Variants in TCFL5 observed in about 807,000 individuals in gnomAD.
TCFL5 encodes transcription factor like 5.
In TCFL5, 9 loss-of-function variants were observed where a neutral mutation model predicts 44.3. The ratio of observed to expected loss-of-function variants is 0.20; its 90% CI spans 0.12 to 0.35. The LOEUF is 0.35. Among genes scored for constraint, TCFL5 ranks in the 10% least tolerant of loss-of-function variants. The probability of loss-of-function intolerance (pLI) is 1.00; values close to 1 mark genes in which losing one functional copy is unlikely to be tolerated. For synonymous variants in TCFL5, 319 were observed against 271.6 expected (o/e 1.17, Z -1.72); for missense variants, 603 against 613.4 (o/e 0.98, Z 0.18).
At chr20:62,843,711 T>A (rs909439171) in intron 5 of TCFL5, among the ~76,000 whole-genome samples, 1 of 152,176 alleles carries the variant, frequency 6.6e-6, no homozygotes, top group Non-Finnish European at 1.5e-5. Flanking sequence ...TTCATCACCC[T>A]AAACAGAAAC....
In TCFL5 at chr20:62,860,182, T is replaced by C; in HGVS notation, c.774A>G (p.Pro258=). Residue 258 remains proline, a synonymous_variant, in exon 2 of 6, where the codon CCA becomes CCG. Transcript: ENST00000335351. Reference sequence around the variant, plus strand: ...TAGAGCAAGCATTTGTAGTAAACAGTGGGTATGTAAATTGCAAAGCAGTAG... The same window carrying C: ...TAGAGCAAGCATTTGTAGTAAACAGCGGGTATGTAAATTGCAAAGCAGTAG... ...ATTTALQFTY[P]LFTTNACSTS... The C allele has an allele frequency of 6.2e-7, 1 of 1,613,768 alleles. No individual in the cohort carries two copies. The highest frequency in any genetic ancestry group is 8.5e-7 in the Non-Finnish European group (1 of 1,179,696).
At chr20:62,846,182 A>T (rs2063740688) in intron 5 of TCFL5, 4 of 1,087,324 alleles carry the variant, frequency 3.7e-6, no homozygotes, top group Non-Finnish European at 4.9e-6. Flanking sequence ...AAAAAAAAGA[A>T]GGAAGGAAGA....
intron 4 of TCFL5, among the ~76,000 whole-genome samples, chr20:62,854,538 A>T (rs2063858580): frequency 6.6e-6 from 1 of 152,242 alleles, no homozygotes; most frequent in Non-Finnish European, 1.5e-5. Flanking sequence ...TGAGGGGTCC[A>T]AATTGGGCAG....
intron 3 of TCFL5, among the ~76,000 whole-genome samples, chr20:62,858,161 C>T (rs1182929791): frequency 6.6e-6 from 1 of 152,252 alleles, no homozygotes; most frequent in Non-Finnish European, 1.5e-5. Context: ...TGTGCCCTCG[C>T]CGCAGAAGTG....
intron 5 of TCFL5, chr20:62,852,569 A>G: frequency 1.0e-6 from 1 of 985,502 alleles, no homozygotes; most frequent in Non-Finnish European, 1.2e-6. Flanking sequence ...GGATCACGGC[A>G]GGCTGGCTGT....
intron 4 of TCFL5, 50 bp downstream of exon 4, chr20:62,857,345 A>G: frequency 6.2e-7 from 1 of 1,601,408 alleles, no homozygotes; most frequent in Non-Finnish European, 8.5e-7. Context: ...ACCATGTATG[A>G]CTAAGGTAAT....
intron 3 of TCFL5, 138 bp downstream of exon 3, chr20:62,859,226 T>C: frequency 4.1e-6 from 3 of 736,558 alleles, no homozygotes; most frequent in Non-Finnish European, 6.6e-6. Context: ...GACAGACCCC[T>C]GAGATACACA....
At chr20:62,860,668 T>C (rs1193280949) in intron 1 of TCFL5, among the ~76,000 whole-genome samples, 1 of 152,180 alleles carries the variant, frequency 6.6e-6, no homozygotes, top group Non-Finnish European at 1.5e-5. Context: ...GGCTGGAGCC[T>C]CATTTTAGAG....
At position 62,845,355 on chromosome 20, in the gene TCFL5, T is replaced by A. The variant is rs767777623; in HGVS notation, c.1381-3258A>T. The A allele has an allele frequency of 2.7e-6, 3 of 1,121,208 alleles. No homozygotes were observed. In the Admixed American group the frequency reaches 1.4e-4, roughly 51 times the overall value. 69.5% of individuals were successfully genotyped at this position (1,121,208 alleles called of 1,614,324 possible). On this transcript the variant is annotated intron_variant, in intron 5 of 5. Coordinates refer to ENST00000335351, the MANE Select transcript of TCFL5 (RefSeq NM_006602.4). ...CCAGGCTGGTCTCGAACTCCTGACCTCAGGTAATCTGCCCACCTCAGCTTC... is the reference window on the plus strand; with the variant it reads ...CCAGGCTGGTCTCGAACTCCTGACCACAGGTAATCTGCCCACCTCAGCTTC...
intron 3 of TCFL5, 48 bp from the exon 4 acceptor site, chr20:62,857,686 C>A: frequency 3.1e-6 from 5 of 1,590,896 alleles, no homozygotes; most frequent in Non-Finnish European, 3.4e-6. Context: ...ATTCTTATCT[C>A]AATTAATGCT....
intron 5 of TCFL5, among the ~76,000 whole-genome samples, chr20:62,844,561 GTTTTTT>G (rs911762716): frequency 7.2e-6 from 1 of 138,876 alleles, no homozygotes; most frequent in Non-Finnish European, 1.6e-5. Flanking sequence ...TTTTTTTTCT[GTTTTTT>G]TTTGTTTGTT....
At chr20:62,846,784 GAA>G (rs1252387421) in intron 5 of TCFL5, among the ~76,000 whole-genome samples, 4 of 149,934 alleles carry the variant, frequency 2.7e-5, no homozygotes, top group Non-Finnish European at 4.4e-5. Flanking sequence ...AAAAAAGAGA[GAA>G]AGAAAAAGAA....
intron 5 of TCFL5, among the ~76,000 whole-genome samples, chr20:62,843,909 CTG>C (rs1423140820): frequency 6.6e-6 from 1 of 152,224 alleles, no homozygotes; most frequent in Non-Finnish European, 1.5e-5. Context: ...ATGCTGTAGC[CTG>C]TGTCAGAATT....
chr20:62,846,066 T>C (rs1055634630), intron 5 of TCFL5: 23 of 1,332,066 alleles, frequency 1.7e-5, no homozygotes, highest in Non-Finnish European at 2.3e-5. Flanking sequence ...GCTGATTTCA[T>C]CTTCAGGAAG....
rs772388341 is a variant in TCFL5, at chr20:62,860,291, C to G, written c.665G>C (p.Arg222Pro). 3 of 1,607,948 alleles carry G rather than the reference C, an allele frequency of 1.9e-6. No individual in the cohort carries two copies. The highest frequency in any genetic ancestry group is 2.6e-6 in the Non-Finnish European group (3 of 1,174,894). The change falls in exon 2 of 6, where the codon CGA becomes CCA. Residue 222 changes from arginine to proline, a missense_variant. Transcript: ENST00000335351. ...GALNNLVTLI[R>P]HPSELMNVPL... ...AACATTCATTAGTTCAGATGGATGT[C>G]GAATGAGAGTTACCAAACTGCCAAG...
intron 5 of TCFL5, chr20:62,852,387 A>G (rs111540074): frequency 0.048 from 30,324 of 628,246 alleles, 988 homozygotes; most frequent in African/African-American, 0.17. Flanking sequence ...CAGGGCCCAG[A>G]ACCCTGGAAC....
chr20:62,852,798 C>T lies in TCFL5; in HGVS notation c.1380+1218G>A, dbSNP rs867144455. 2.6e-5 allele frequency: 33 copies of T among 1,289,076 alleles called. No homozygotes were observed. The South Asian group carries it at 2.6e-4, about 10-fold the overall frequency. The allele number at this position is 1,289,076 out of a possible 1,614,324, so 79.9% of individuals were successfully genotyped here. ...TCCACAGAAGCACGGTCACCCGGTC[C>T]GCAGAAGTATATTCACCGAGTCCAC... On this transcript the variant is annotated intron_variant, in intron 5 of 5. Transcript: ENST00000335351.
intron 5 of TCFL5, among the ~76,000 whole-genome samples, chr20:62,853,651 G>A (rs2063845749): frequency 1.3e-5 from 2 of 152,148 alleles, no homozygotes; most frequent in African/African-American, 2.4e-5. Context: ...GTGGCTGGCC[G>A]GTTTTTGTTT....
chr20:62,861,041 C>T lies in TCFL5; in HGVS notation c.630G>A (p.Pro210=), dbSNP rs1211903245. The change falls in exon 1 of 6, where the codon CCG becomes CCA. Residue 210 remains proline, a synonymous_variant. Transcript: ENST00000335351. The surrounding 1 kb of genome is among the most constrained non-coding windows in gnomAD (Gnocchi z 4.0). ...PAPRGPEPPE[P]GGALNNLVTL... is the part of the protein sequence containing the mutation. ...GCACGCACTTGTTGAGCGCCCCGCCCGGCTCGGGGGGCTCGGGGCCGCGCG... is the reference window on the plus strand; with the variant it reads ...GCACGCACTTGTTGAGCGCCCCGCCTGGCTCGGGGGGCTCGGGGCCGCGCG... The T allele has an allele frequency of 5.0e-6, 5 of 994,646 alleles. No individual in the cohort carries two copies. The highest frequency in any genetic ancestry group is 6.0e-6 in the Non-Finnish European group (5 of 837,476). 61.6% of individuals were successfully genotyped at this position (994,646 alleles called of 1,614,324 possible). A position where few individuals can be genotyped will look rare whatever the true frequency, so the allele number is the denominator to read the frequency against.
Sources: gnomAD v4.1 joint callset for allele counts (sites outside exome capture counted in the v4.1 genomes callset) on GRCh38, gnomAD v4.1.1 for gene constraint, Gnocchi (gnomAD v3.1) non-coding constraint, MANE v1.5 for transcripts, NCBI Gene and HGNC (gene_info 2026-07-23, HGNC 2026-07-21) for gene names.